Variants in CSMD3 observed in about 807,000 individuals in gnomAD.
The protein encoded by CSMD3 is CUB and Sushi multiple domains 3.
In CSMD3, 177 loss-of-function variants were observed where a neutral mutation model predicts 435.2. The observed-to-expected ratio is 0.41, with a 90% CI of 0.36 to 0.46. The LOEUF (loss-of-function observed/expected upper bound fraction) is 0.46, where lower values mean the gene tolerates loss of function less well. CSMD3 is among the 20% of genes least tolerant of loss of function. The pLI, the probability that CSMD3 is intolerant of heterozygous loss-of-function variation, is 0.34. For synonymous variants in CSMD3, 1,656 were observed against 1,520.5 expected, an observed-to-expected ratio of 1.09 and a Z score of -2.07; for missense variants, 4,265 against 4,504.6, an observed-to-expected ratio of 0.95 and a Z score of 1.52.
chr8:112,451,315 A>G (rs116190198), intron 32 of CSMD3, among the ~76,000 whole-genome samples: 3,829 of 152,276 alleles, frequency 0.025, 153 homozygotes, highest in African/African-American at 0.087. Flanking sequence ...ATTTAAAATA[A>G]GAGGAAATGG....
At chr8:113,236,547 C>T (rs1330967676) in intron 3 of CSMD3, among the ~76,000 whole-genome samples, 1 of 152,062 alleles carries the variant, frequency 6.6e-6, no homozygotes, top group African/African-American at 2.4e-5. Context: ...TGATGTAACA[C>T]CCTTTTTTTT....
intron 1 of CSMD3, among the ~76,000 whole-genome samples, chr8:113,340,336 T>C (rs565547706): frequency 6.6e-6 from 1 of 152,252 alleles, no homozygotes; most frequent in African/African-American, 2.4e-5. Context: ...TGTACTATTG[T>C]TTCTGTGCAT....
intron 61 of CSMD3, among the ~76,000 whole-genome samples, chr8:112,259,064 A>G (rs1295376108): frequency 1.3e-5 from 2 of 152,008 alleles, no homozygotes; most frequent in Non-Finnish European, 2.9e-5. Flanking sequence ...AAAAAGAAAT[A>G]TCATTTGACC....
chr8:113,274,185 AT>A (rs376697454), intron 3 of CSMD3, among the ~76,000 whole-genome samples: 4 of 152,196 alleles, frequency 2.6e-5, no homozygotes, highest in African/African-American at 9.6e-5. Context: ...GAATTGTTAA[AT>A]TATTAATATA....
chr8:113,420,405 T>C (rs925838130), intron 1 of CSMD3, among the ~76,000 whole-genome samples: 2 of 152,058 alleles, frequency 1.3e-5, no homozygotes, highest in African/African-American at 2.4e-5. Context: ...AAAAATGTTA[T>C]ACATACGATA....
At chr8:113,131,623 T>C (rs2131684483) in intron 4 of CSMD3, among the ~76,000 whole-genome samples, 1 of 152,120 alleles carries the variant, frequency 6.6e-6, no homozygotes, top group East Asian at 1.9e-4. Context: ...ATGGAGAACC[T>C]CCGCTAGGAA....
At chr8:113,376,852 CCCCTTTCCCGG>C (rs1473451494) in intron 1 of CSMD3, 1 of 1,612,360 alleles carries the variant, frequency 6.2e-7, no homozygotes, top group Non-Finnish European at 8.5e-7. Context: ...GCCACCTCTG[CCCCTTTCCCGG>C]ATGATCTGGA....
At chr8:112,393,490 G>A (rs939253658) in intron 35 of CSMD3, among the ~76,000 whole-genome samples, 2 of 152,102 alleles carry the variant, frequency 1.3e-5, no homozygotes, top group Admixed American at 6.6e-5. Flanking sequence ...CTATGCTTCC[G>A]TATTATTTTT....
At chr8:113,301,905 A>C (rs912503509) in intron 2 of CSMD3, among the ~76,000 whole-genome samples, 6 of 152,102 alleles carry the variant, frequency 3.9e-5, no homozygotes, top group African/African-American at 1.2e-4. Context: ...GGTCATATAC[A>C]TGAGATTTTT....
intron 45 of CSMD3, among the ~76,000 whole-genome samples, chr8:112,328,738 G>T (rs1369753340): frequency 6.6e-6 from 1 of 152,108 alleles, no homozygotes; most frequent in Non-Finnish European, 1.5e-5. Context: ...GTGAGTGAGT[G>T]CTCATGAAAT....
rs568880044 is a variant in CSMD3, at chr8:112,441,874, C to T, written c.5395+30717G>A. 7.2e-4 allele frequency among the ~76,000 whole-genome samples: 109 copies of T among 152,256 alleles called. 1 individual carries two copies. Among genetic ancestry groups the T allele is most frequent in the African/African-American group, 2.5e-3 (104 of 41,552 alleles). On this transcript the variant is annotated intron_variant, in intron 32 of 70. Transcript: ENST00000297405. The stretch of plus-strand genomic sequence containing the variant: ...CTACCAACCTGTGGGTATTACAATT[C>T]AGATTACAATTCAAGATGAAATTTG...
intron 5 of CSMD3, among the ~76,000 whole-genome samples, chr8:113,091,785 T>G (rs2090011902): frequency 6.6e-6 from 1 of 152,030 alleles, no homozygotes; most frequent in Non-Finnish European, 1.5e-5. Flanking sequence ...TTTCATTTAT[T>G]TCTGCTCTTA....
chr8:112,671,513 C>G (rs777595434), intron 16 of CSMD3, among the ~76,000 whole-genome samples: 5 of 152,150 alleles, frequency 3.3e-5, no homozygotes, highest in Non-Finnish European at 5.9e-5. Flanking sequence ...AACCTTCTCC[C>G]TCTTTCAAAG....
intron 23 of CSMD3, among the ~76,000 whole-genome samples, chr8:112,584,562 T>C (rs1830571741): frequency 6.6e-6 from 1 of 151,760 alleles, no homozygotes; most frequent in Non-Finnish European, 1.5e-5. Context: ...TATATTATTG[T>C]TGTTATTGTT....
intron 20 of CSMD3, among the ~76,000 whole-genome samples, chr8:112,641,961 T>A (rs953907639): frequency 1.6e-4 from 24 of 152,052 alleles, no homozygotes; most frequent in African/African-American, 5.8e-4. Context: ...AAGAAGGGGA[T>A]TAGACAGGAA....
intron 8 of CSMD3, among the ~76,000 whole-genome samples, chr8:112,949,924 A>T (rs1359079938): frequency 1.3e-5 from 2 of 151,880 alleles, no homozygotes; most frequent in Non-Finnish European, 2.9e-5. Flanking sequence ...TAGCTATCAA[A>T]ATCCTATCTA....
At chr8:112,367,306 C>T (rs1049018422) in intron 38 of CSMD3, among the ~76,000 whole-genome samples, 1 of 152,072 alleles carries the variant, frequency 6.6e-6, no homozygotes, top group Non-Finnish European at 1.5e-5. Context: ...TTCCTAGATT[C>T]CACAGAAACA....
At chr8:112,626,919 T>A (rs60636671) in intron 22 of CSMD3, among the ~76,000 whole-genome samples, 36,405 of 152,010 alleles carry the variant, frequency 0.24, 4,698 homozygotes, top group African/African-American at 0.33. Flanking sequence ...AAAAATACCG[T>A]TAATATATTT....
intron 1 of CSMD3, among the ~76,000 whole-genome samples, chr8:113,348,031 T>A (rs967210874): frequency 5.3e-5 from 8 of 151,990 alleles, no homozygotes; most frequent in African/African-American, 1.9e-4. Context: ...ATAGCAAAGG[T>A]TTCCATATAA....
Sources: gnomAD v4.1 joint callset for allele counts (sites outside exome capture counted in the v4.1 genomes callset) on GRCh38, gnomAD v4.1.1 for gene constraint, MANE v1.5 for transcripts, NCBI Gene and HGNC (gene_info 2026-07-23, HGNC 2026-07-21) for gene names.